The following ADARB2 variants were observed in gnomAD, a reference collection of about 807,000 sequenced individuals.
The protein encoded by ADARB2 is adenosine deaminase RNA specific B2 (inactive).
Under a neutral mutation model 62.2 loss-of-function variants are expected in ADARB2, and 25 were observed. The observed-to-expected ratio is 0.40, with a 90% CI of 0.29 to 0.56. The LOEUF is 0.56. Among genes scored for constraint, ADARB2 ranks in the 20% least tolerant of loss-of-function variants. The pLI is 0.43. For missense variants in ADARB2, 1,071 were observed against 1,077.4 expected (o/e 0.99, Z 0.08); for synonymous variants, 572 against 500.8 (o/e 1.14, Z -1.90).
chr10:1,510,110 C>CTCTCTCTCTCTT (rs1554767637), intron 1 of ADARB2, among the ~76,000 whole-genome samples: 4 of 106,184 alleles, frequency 3.8e-5, no homozygotes, highest in Non-Finnish European at 7.6e-5. Flanking sequence ...CTTTCTTTCT[C>CTCTCTCTCTCTT]TCTTTCTTTC....
chr10:1,195,397 T>G (rs1478451541), intron 8 of ADARB2, among the ~76,000 whole-genome samples: 1 of 132,218 alleles, frequency 7.6e-6, no homozygotes, highest in Non-Finnish European at 1.5e-5. Flanking sequence ...CAGTTTTTTT[T>G]TTGTTTTTTT....
intron 1 of ADARB2, among the ~76,000 whole-genome samples, chr10:1,685,145 G>C (rs1834583217): frequency 6.6e-6 from 1 of 152,222 alleles, no homozygotes. Context: ...TCTATGAGCA[G>C]GGCATGTCTG....
At chr10:1,736,207 A>C (rs1374805095) in intron 1 of ADARB2, among the ~76,000 whole-genome samples, 2 of 152,194 alleles carry the variant, frequency 1.3e-5, no homozygotes, top group African/African-American at 4.8e-5. Flanking sequence ...AGAATCTTTT[A>C]ATTCTTCCTG....
rs181528741 is a variant in ADARB2 at position 1,356,648 on chromosome 10, T to C, written c.1077+6380A>G. Among the ~76,000 whole-genome samples the C allele has an allele frequency of 3.3e-5, 5 of 152,288 alleles. No individual in the cohort carries two copies. In the East Asian group the frequency reaches 7.7e-4, roughly 24 times the overall value. ...GCTGGCCCAAGTCTGGAGGAAAAGCTGCATGTAGGAGTGACACCATCTTAA... is the reference window on the plus strand; with the variant it reads ...GCTGGCCCAAGTCTGGAGGAAAAGCCGCATGTAGGAGTGACACCATCTTAA... On this transcript the variant is annotated intron_variant, in intron 3 of 9. Transcript: ENST00000381312.
chr10:1,310,595 G>A (rs1226044033), intron 3 of ADARB2, among the ~76,000 whole-genome samples: 1 of 152,192 alleles, frequency 6.6e-6, no homozygotes, highest in African/African-American at 2.4e-5. Flanking sequence ...TCGGTGCTGG[G>A]CACTGTTGCA....
At chr10:1,562,828 T>G (rs1832802954) in intron 1 of ADARB2, among the ~76,000 whole-genome samples, 1 of 152,230 alleles carries the variant, frequency 6.6e-6, no homozygotes, top group Non-Finnish European at 1.5e-5. Flanking sequence ...GGCCACTGCA[T>G]GGGCTGGAGA....
At chr10:1,733,217 A>G (rs1835255849) in intron 1 of ADARB2, among the ~76,000 whole-genome samples, 1 of 152,110 alleles carries the variant, frequency 6.6e-6, no homozygotes. Context: ...CCCAGCCTCC[A>G]ATGTACCTTG....
chr10:1,670,215 A>C (rs1207604203), intron 1 of ADARB2, among the ~76,000 whole-genome samples: 1 of 152,218 alleles, frequency 6.6e-6, no homozygotes, highest in East Asian at 1.9e-4. Context: ...GTTTGCGTAT[A>C]ATTTTCATAC....
chr10:1,603,181 A>G (rs1367248298), intron 1 of ADARB2, among the ~76,000 whole-genome samples: 6 of 137,416 alleles, frequency 4.4e-5, no homozygotes, highest in African/African-American at 1.6e-4. Flanking sequence ...ACACACCTGT[A>G]CACACATTCA....
At chr10:1,268,500 TTG>T (rs1300546161) in intron 4 of ADARB2, among the ~76,000 whole-genome samples, 1 of 152,194 alleles carries the variant, frequency 6.6e-6, no homozygotes, top group Non-Finnish European at 1.5e-5. Context: ...GCAAATCAAA[TTG>T]TGTTTTATTT....
At chr10:1,293,984 A>C in intron 3 of ADARB2, among the ~76,000 whole-genome samples, 1 of 151,726 alleles carries the variant, frequency 6.6e-6, no homozygotes, top group African/African-American at 2.4e-5. Context: ...GGGCGGGGGC[A>C]TGGGGGAGCT....
At chr10:1,396,523 C>T (rs1262456568) in intron 1 of ADARB2, among the ~76,000 whole-genome samples, 2 of 152,220 alleles carry the variant, frequency 1.3e-5, no homozygotes, top group African/African-American at 4.8e-5. Context: ...TCCATTTCCT[C>T]CCTGCCATCC....
chr10:1,602,987 C>T (rs1833442208), intron 1 of ADARB2, among the ~76,000 whole-genome samples: 1 of 150,938 alleles, frequency 6.6e-6, no homozygotes, highest in African/African-American at 2.4e-5. Context: ...AACACGTGCA[C>T]ACACACCAAC....
intron 1 of ADARB2, among the ~76,000 whole-genome samples, chr10:1,577,002 G>A (rs891600131): frequency 6.6e-6 from 1 of 152,184 alleles, no homozygotes; most frequent in African/African-American, 2.4e-5. Context: ...GGGAGGCTCA[G>A]CAGGTGCAGT....
At chr10:1,581,216 T>C (rs1833092774) in intron 1 of ADARB2, among the ~76,000 whole-genome samples, 1 of 152,220 alleles carries the variant, frequency 6.6e-6, no homozygotes, top group South Asian at 2.1e-4. Context: ...CAAACGATGT[T>C]CAAGGTGCGG....
intron 1 of ADARB2, among the ~76,000 whole-genome samples, chr10:1,711,521 A>G (rs555486949): frequency 1.8e-4 from 28 of 152,310 alleles, no homozygotes; most frequent in African/African-American, 6.5e-4. Context: ...CTCATAGAGG[A>G]TTCCTTACTA....
chr10:1,348,476 C>T (rs547535295), intron 3 of ADARB2, among the ~76,000 whole-genome samples: 3 of 152,144 alleles, frequency 2.0e-5, no homozygotes, highest in Non-Finnish European at 2.9e-5. Flanking sequence ...CTCCCTGCGG[C>T]GTTGGCCCAG....
rs542501043 is a variant in ADARB2 at position 1,364,201 on chromosome 10, A to G, written c.188-284T>C. ...TGAGGCTGTGTCTCACAAACAGACA[A>G]GCGCCCCTGACTTTGTACAAGTTTT... On this transcript the variant is annotated intron_variant, in intron 2 of 9. Transcript: ENST00000381312. 2.4e-4 allele frequency among the ~76,000 whole-genome samples: 36 copies of G among 152,348 alleles called. 2 individuals carry two copies. In the South Asian group the frequency reaches 6.8e-3, roughly 29 times the overall value.
Position 1,704,863 on chromosome 10 carries a change from T to C in ADARB2, c.100+32188A>G, listed in dbSNP as rs907112351. 2.0e-5 allele frequency among the ~76,000 whole-genome samples: 3 copies of C among 152,096 alleles called. No homozygotes were observed. Among genetic ancestry groups the C allele is most frequent in the Non-Finnish European group, 4.4e-5 (3 of 68,024 alleles). On this transcript the variant is annotated intron_variant, in intron 1 of 9. Transcript: ENST00000381312. This position sits in a 1 kb window ranked among gnomAD's most constrained non-coding sequence, Gnocchi z 5.6. ...TATGCCAGCCTGAGCCTCCACTCTC[T>C]CACTGAGGAGCCCAGCAGTTTATCA...
Sources: allele counts gnomAD v4.1 joint callset (sites outside exome capture counted in the v4.1 genomes callset), GRCh38; gene constraint gnomAD v4.1.1; non-coding constraint Gnocchi (gnomAD v3.1); transcripts MANE v1.5; gene names NCBI Gene and HGNC (gene_info 2026-07-23, HGNC 2026-07-21).